The following COL19A1 variants were observed in gnomAD, a reference collection of about 807,000 sequenced individuals.
COL19A1 encodes the protein collagen type XIX alpha 1 chain, also known as collagen alpha-1(XIX) chain.
A neutral mutation model predicts 190.2 loss-of-function variants in COL19A1; 159 were observed. The observed-to-expected ratio is 0.84, with a 90% CI of 0.73 to 0.95. The LOEUF is 0.95. Ranked by LOEUF, COL19A1 falls within the 40% of genes least tolerant of loss-of-function variation. The pLI is 0.00. For missense variants in COL19A1, 1,418 were observed against 1,431.9 expected, an observed-to-expected ratio of 0.99 and a Z score of 0.16; for synonymous variants, 509 against 458.9, an observed-to-expected ratio of 1.11 and a Z score of -1.39.
chr6:70,156,259 T>A, intron 32 of COL19A1, 28 bp downstream of exon 32: 3 of 1,613,138 alleles, frequency 1.9e-6, no homozygotes, highest in Non-Finnish European at 2.5e-6. Context: ...ATGTTTACGA[T>A]CCCTGTGGGT....
chr6:69,880,372 G>A (rs575399409), intron 2 of COL19A1, among the ~76,000 whole-genome samples: 1 of 152,288 alleles, frequency 6.6e-6, no homozygotes, highest in South Asian at 2.1e-4. Flanking sequence ...TAGGCACATT[G>A]GAGAAGCCAT....
chr6:70,113,842 CTTTTTTTTTTTT>C (rs34876942), intron 16 of COL19A1, among the ~76,000 whole-genome samples: 21 of 64,150 alleles, frequency 3.3e-4, no homozygotes, highest in African/African-American at 1.3e-3. Context: ...CCAAGTCTTT[CTTTTTTTTTTTT>C]TTTTTTTTTT....
chr6:70,097,312 T>C (rs1402181371), intron 15 of COL19A1, among the ~76,000 whole-genome samples: 1 of 152,148 alleles, frequency 6.6e-6, no homozygotes, highest in East Asian at 1.9e-4. Context: ...TTCCTATGAC[T>C]GATTTATTTT....
At chr6:70,133,190 ATTAAACAC>A (rs1241004735) in intron 18 of COL19A1, among the ~76,000 whole-genome samples, 1 of 152,238 alleles carries the variant, frequency 6.6e-6, no homozygotes, top group Non-Finnish European at 1.5e-5. Flanking sequence ...CAGAAGAATA[ATTAAACAC>A]ATAAGTGATT....
At chr6:70,188,811 G>T (rs184602024) in intron 47 of COL19A1, among the ~76,000 whole-genome samples, 1 of 152,296 alleles carries the variant, frequency 6.6e-6, no homozygotes, top group Admixed American at 6.5e-5. Context: ...TGGCTATTCT[G>T]CAGAGAAATT....
At chr6:70,107,368 C>A (rs1784039884) in intron 16 of COL19A1, among the ~76,000 whole-genome samples, 1 of 152,078 alleles carries the variant, frequency 6.6e-6, no homozygotes, top group Non-Finnish European at 1.5e-5. Context: ...ACTAGCTTGT[C>A]CTGGAACAAT....
At chr6:70,198,968 G>T (rs1402635483) in intron 48 of COL19A1, among the ~76,000 whole-genome samples, 1 of 152,090 alleles carries the variant, frequency 6.6e-6, no homozygotes, top group Non-Finnish European at 1.5e-5. Flanking sequence ...TTCCCCACAT[G>T]GGCCTCTCCA....
At chr6:70,123,727 A>G (rs1181139509) in intron 17 of COL19A1, among the ~76,000 whole-genome samples, 1 of 148,712 alleles carries the variant, frequency 6.7e-6, no homozygotes, top group Non-Finnish European at 1.5e-5. Context: ...CAAACACCAC[A>G]TATTCTCACT....
intron 12 of COL19A1, among the ~76,000 whole-genome samples, chr6:70,024,681 T>A (rs567199686): frequency 2.4e-4 from 37 of 152,160 alleles, no homozygotes; most frequent in Middle Eastern, 3.4e-3. Flanking sequence ...TAGTAGTTAA[T>A]GTTTCTATGT....
chr6:70,160,796 T>C (rs569114553), intron 34 of COL19A1, among the ~76,000 whole-genome samples: 1 of 152,192 alleles, frequency 6.6e-6, no homozygotes, highest in Non-Finnish European at 1.5e-5. Context: ...AAAGCCTGTA[T>C]GTATCATTCC....
intron 27 of COL19A1, among the ~76,000 whole-genome samples, chr6:70,149,156 T>C (rs3806039): frequency 0.044 from 6,756 of 152,166 alleles, 240 homozygotes; most frequent in African/African-American, 0.098. Context: ...CATGCAGAAG[T>C]TCATGGTTAC....
chr6:70,078,446 C>T (rs1449778879), intron 15 of COL19A1, among the ~76,000 whole-genome samples: 1 of 152,212 alleles, frequency 6.6e-6, no homozygotes. Flanking sequence ...TCTCCCTGAT[C>T]TCACAAGACA....
At chr6:69,990,762 T>C (rs1271153613) in intron 11 of COL19A1, among the ~76,000 whole-genome samples, 1 of 152,110 alleles carries the variant, frequency 6.6e-6, no homozygotes, top group Non-Finnish European at 1.5e-5. Flanking sequence ...AGCCACATAA[T>C]GTCTGAAAAT....
intron 10 of COL19A1, among the ~76,000 whole-genome samples, chr6:69,961,814 A>G (rs971970673): frequency 6.6e-6 from 1 of 152,140 alleles, no homozygotes; most frequent in African/African-American, 2.4e-5. Flanking sequence ...GTATATATAT[A>G]TAAAAAACAT....
chr6:70,198,585 A>G (rs1312109073), intron 48 of COL19A1, among the ~76,000 whole-genome samples: 2 of 152,234 alleles, frequency 1.3e-5, no homozygotes, highest in African/African-American at 2.4e-5. Context: ...AATTTTAAGA[A>G]AGACTCCAGT....
chr6:69,887,156 G>T (rs1769001212), intron 2 of COL19A1, among the ~76,000 whole-genome samples: 1 of 152,070 alleles, frequency 6.6e-6, no homozygotes, highest in Non-Finnish European at 1.5e-5. Flanking sequence ...GATATATACT[G>T]TTTCCAACTT....
chr6:70,117,978 G>A (rs1192144619), intron 16 of COL19A1, among the ~76,000 whole-genome samples: 2 of 152,130 alleles, frequency 1.3e-5, no homozygotes, highest in Non-Finnish European at 2.9e-5. Flanking sequence ...ACTGGACCTG[G>A]GTCATCTAAG....
intron 15 of COL19A1, among the ~76,000 whole-genome samples, chr6:70,092,512 GT>G (rs111711248): frequency 1.3e-5 from 2 of 151,986 alleles, no homozygotes; most frequent in African/African-American, 4.8e-5. Flanking sequence ...TTTTGATAGG[GT>G]TTTTTTCTGA....
intron 4 of COL19A1, among the ~76,000 whole-genome samples, chr6:69,921,356 A>ATAT (rs1248844320): frequency 3.5e-4 from 32 of 90,330 alleles, no homozygotes; most frequent in African/African-American, 1.6e-3. Flanking sequence ...CATATATCAT[A>ATAT]ATCATATATA....
Sources: allele counts gnomAD v4.1 joint callset (sites outside exome capture counted in the v4.1 genomes callset), GRCh38; gene constraint gnomAD v4.1.1; transcripts MANE v1.5; gene names NCBI Gene and HGNC (gene_info 2026-07-23, HGNC 2026-07-21).